Variants in BNIP2 observed in about 807,000 individuals in gnomAD.
BNIP2 encodes BCL2/adenovirus E1B 19 kDa protein-interacting protein 2.
Under a neutral mutation model 43.4 loss-of-function variants are expected in BNIP2, and 36 were observed. The ratio of observed to expected loss-of-function variants is 0.83; its 90% confidence interval spans 0.64 to 1.10. The LOEUF (loss-of-function observed/expected upper bound fraction) is 1.10. Among genes scored for constraint, BNIP2 ranks in the 50% least tolerant of loss-of-function variants. The pLI, the probability that BNIP2 is intolerant of heterozygous loss-of-function variation, is 0.00. For missense variants in BNIP2, 417 were observed against 374.1 expected (o/e 1.11, Z -0.95); for synonymous variants, 146 against 121.0 (o/e 1.21, Z -1.35).
At chr15:59,677,747 G>T (rs1282690223) in intron 5 of BNIP2, 164 bp downstream of exon 5, 3 of 1,164,694 alleles carry the variant, frequency 2.6e-6, no homozygotes, top group African/African-American at 3.2e-5. Flanking sequence ...AGCCCTCCAG[G>T]AACTGGTTAG....
intron 5 of BNIP2, among the ~76,000 whole-genome samples, chr15:59,675,669 AT>A (rs1893236869): frequency 6.6e-6 from 1 of 152,234 alleles, no homozygotes; most frequent in African/African-American, 2.4e-5. Flanking sequence ...TTCTACAAGA[AT>A]GTTCAAAGCA....
intron 7 of BNIP2, among the ~76,000 whole-genome samples, chr15:59,670,148 T>C (rs143421327): frequency 8.8e-4 from 134 of 152,244 alleles, no homozygotes; most frequent in African/African-American, 3.0e-3. Context: ...AAAACATAAA[T>C]ACTGAGCGCT....
Position 59,689,210 on chromosome 15 carries a change from A to G in BNIP2, c.-133T>C. On this transcript the variant is annotated 5_prime_UTR_variant, in exon 1 of 10. Transcript: ENST00000607373. ...ACGTGGGGCTGACGGCCAGGTCGCA[A>G]AAAGCAGGGCCGAGCGGAGCCCGCT... 1.3e-6 allele frequency: 2 copies of G among 1,540,600 alleles called. No individual in the cohort carries two copies. The highest frequency in any genetic ancestry group is 2.4e-5 in the South Asian group (2 of 84,006).
At chr15:59,667,943 C>T (rs1443561810) in intron 9 of BNIP2, among the ~76,000 whole-genome samples, 1 of 152,172 alleles carries the variant, frequency 6.6e-6, no homozygotes, top group African/African-American at 2.4e-5. Context: ...CATATTCAGC[C>T]TTAGGAACTC....
intron 9 of BNIP2, among the ~76,000 whole-genome samples, chr15:59,666,780 C>T (rs1186279673): frequency 1.1e-4 from 17 of 151,450 alleles, no homozygotes; most frequent in African/African-American, 3.4e-4. Context: ...AAAAACAGAA[C>T]GTTTTTGAAA....
At chr15:59,686,803 C>T (rs544061139) in intron 1 of BNIP2, among the ~76,000 whole-genome samples, 107 of 152,122 alleles carry the variant, frequency 7.0e-4, no homozygotes, top group African/African-American at 2.5e-3. Flanking sequence ...GATCACCTGA[C>T]GTCAGGAGTT....
At chr15:59,688,662 G>A in intron 1 of BNIP2, 1 of 1,506,298 alleles carries the variant, frequency 6.6e-7, no homozygotes, top group Non-Finnish European at 8.9e-7. Context: ...TAGCGTACTA[G>A]GGAAGATCTA....
intron 1 of BNIP2, among the ~76,000 whole-genome samples, chr15:59,687,699 T>A (rs1422430240): frequency 6.6e-6 from 1 of 152,128 alleles, no homozygotes; most frequent in Non-Finnish European, 1.5e-5. Context: ...ATATACTTTC[T>A]CTGACACCTT....
At chr15:59,680,775 T>C (rs1893617093) in intron 2 of BNIP2, among the ~76,000 whole-genome samples, 1 of 152,124 alleles carries the variant, frequency 6.6e-6, no homozygotes, top group Non-Finnish European at 1.5e-5. Flanking sequence ...GCCCAGCTAA[T>C]TTTAAAAGTT....
intron 1 of BNIP2, among the ~76,000 whole-genome samples, chr15:59,684,834 A>G (rs1893911915): frequency 1.3e-5 from 2 of 152,222 alleles, no homozygotes. Context: ...TTAGCATTTC[A>G]AAAATAAAAG....
chr15:59,676,234 G>A (rs1216714145), intron 5 of BNIP2, among the ~76,000 whole-genome samples: 3 of 152,168 alleles, frequency 2.0e-5, no homozygotes, highest in Non-Finnish European at 4.4e-5. Context: ...GCAGTGGGAT[G>A]ATCACGGCCA....
intron 6 of BNIP2, among the ~76,000 whole-genome samples, 187 bp from the exon 7 acceptor site, chr15:59,671,501 T>C (rs993003956): frequency 6.6e-6 from 1 of 152,216 alleles, no homozygotes. Context: ...GAAATGTTTC[T>C]AGGTGAAATG....
chr15:59,682,202 C>A (rs1253163059), intron 2 of BNIP2, among the ~76,000 whole-genome samples: 1 of 151,966 alleles, frequency 6.6e-6, no homozygotes, highest in African/African-American at 2.4e-5. Context: ...TGGCGCACAC[C>A]TATAGTCCCA....
intron 2 of BNIP2, 25 bp downstream of exon 2, chr15:59,682,383 G>T: frequency 6.4e-7 from 1 of 1,560,776 alleles, no homozygotes; most frequent in South Asian, 1.2e-5. Flanking sequence ...CTCTAAAATT[G>T]TTTTCTTTTA....
chr15:59,672,973 A>C lies in BNIP2; in HGVS notation c.473-234T>G, dbSNP rs115392246. 3.0e-3 allele frequency among the ~76,000 whole-genome samples: 453 copies of C among 152,364 alleles called. 2 individuals carry two copies. Among genetic ancestry groups the C allele is most frequent in the African/African-American group, 0.01 (429 of 41,592 alleles). On this transcript the variant is annotated intron_variant, in intron 5 of 9. Coordinates refer to ENST00000607373, the MANE Select transcript of BNIP2 (RefSeq NM_004330.4). ...GTGGACAGAAAAAACAAAAAAACCC[A>C]AGACCACTTAAATTCGCATATTTAA...
chr15:59,686,521 G>A (rs770308797), intron 1 of BNIP2, among the ~76,000 whole-genome samples: 4 of 152,082 alleles, frequency 2.6e-5, no homozygotes, highest in African/African-American at 2.4e-5. Context: ...AATTACAGTA[G>A]GCAGATGGAA....
intron 7 of BNIP2, among the ~76,000 whole-genome samples, chr15:59,669,774 AGAT>A (rs754060214): frequency 4.6e-5 from 7 of 152,352 alleles, no homozygotes; most frequent in Admixed American, 2.0e-4. Context: ...TGAGTGGAGA[AGAT>A]GACCACAGGA....
At chr15:59,688,472 T>C (rs1469852957) in intron 1 of BNIP2, 1 of 427,650 alleles carries the variant, frequency 2.3e-6, no homozygotes. Flanking sequence ...GTAACTATCT[T>C]GATGCAACAC....
intron 2 of BNIP2, among the ~76,000 whole-genome samples, chr15:59,680,711 TAAGATA>T (rs1893613714): frequency 2.6e-5 from 4 of 152,304 alleles, no homozygotes; most frequent in South Asian, 2.1e-4. Context: ...TAGCAGTGTT[TAAGATA>T]AAGTCTCAGC....
Sources: allele counts gnomAD v4.1 joint callset (sites outside exome capture counted in the v4.1 genomes callset), GRCh38; gene constraint gnomAD v4.1.1; transcripts MANE v1.5; gene names NCBI Gene and HGNC (gene_info 2026-07-23, HGNC 2026-07-21).